FLRT3: variants seen among roughly 807,000 people sequenced by gnomAD.
FLRT3 encodes the protein fibronectin leucine rich transmembrane protein 3, also known as leucine-rich repeat transmembrane protein FLRT3.
A neutral mutation model predicts 42.6 loss-of-function variants in FLRT3; 17 were observed. That is an observed-to-expected ratio of 0.40 (90% CI 0.27 to 0.60). FLRT3 has a LOEUF of 0.60. Among genes scored for constraint, FLRT3 ranks in the 20% least tolerant of loss-of-function variants. The probability of loss-of-function intolerance (pLI) is 0.44; values close to 1 mark genes in which losing one functional copy is unlikely to be tolerated. For synonymous variants in FLRT3, 279 were observed against 286.4 expected, an observed-to-expected ratio of 0.97 and a Z score of 0.26; for missense variants, 635 against 789.2, an observed-to-expected ratio of 0.80 and a Z score of 2.34.
In FLRT3 at chr20:14,337,518, A is replaced by G. The variant is rs923907283; in HGVS notation, c.-361T>C. 6 of 398,562 alleles carry G rather than the reference A, an allele frequency of 1.5e-5. No homozygotes were observed. Among genetic ancestry groups the G allele is most frequent in the African/African-American group, 1.0e-4 (5 of 48,614 alleles). 24.7% of individuals were successfully genotyped at this position (398,562 alleles called of 1,614,324 possible). ...CTCCCAAGCTCTGCGTCCAGTCCACACAAAGCCCACGGCAGCTGCAGGCTG... is the reference window on the plus strand; with the variant it reads ...CTCCCAAGCTCTGCGTCCAGTCCACGCAAAGCCCACGGCAGCTGCAGGCTG... On this transcript the variant is annotated 5_prime_UTR_variant, in exon 1 of 3. Coordinates refer to ENST00000341420, the MANE Select transcript of FLRT3 (RefSeq NM_198391.3).
At chr20:14,327,629 A>T in intron 2 of FLRT3, 71 bp from the exon 3 acceptor site, 2 of 1,128,654 alleles carry the variant, frequency 1.8e-6, no homozygotes, top group Non-Finnish European at 2.4e-6. Context: ...TTTAAAAACA[A>T]ATGTGGAAAC....
intron 1 of FLRT3, among the ~76,000 whole-genome samples, chr20:14,334,622 G>A (rs557080762): frequency 2.8e-5 from 4 of 141,538 alleles, no homozygotes; most frequent in Admixed American, 7.2e-5. Context: ...AAAGCCTCCC[G>A]TTGAGAAGAA....
rs2082698335 is a variant in FLRT3 at position 14,324,164 on chromosome 20, C to T, written c.*1393G>A. On this transcript the variant is annotated 3_prime_UTR_variant, in exon 3 of 3. Transcript: ENST00000341420. ...TAAAAGTTTTATTCAGCAATAAGACCATAATTTTTCATATTTAAGGAGTAT... is the reference window on the plus strand; with the variant it reads ...TAAAAGTTTTATTCAGCAATAAGACTATAATTTTTCATATTTAAGGAGTAT... 6.6e-6 allele frequency: 1 copy of T among 152,376 alleles called. No individual in the cohort carries two copies. The highest frequency in any genetic ancestry group is 1.5e-5 in the Non-Finnish European group (1 of 68,006). The allele number at this position is 152,376 out of a possible 1,614,324, so 9.4% of individuals were successfully genotyped here.
rs923873979 is a variant in FLRT3, at chr20:14,323,279, A to G, written c.*2278T>C. Reference sequence around the variant, plus strand: ...CCTTTTTGTGTTCTATTAATTTGCTACAACAGCTCACAAAATGCAAGGAAA... The same window carrying G: ...CCTTTTTGTGTTCTATTAATTTGCTGCAACAGCTCACAAAATGCAAGGAAA... On this transcript the variant is annotated 3_prime_UTR_variant, in exon 3 of 3. Transcript: ENST00000341420. The G allele has an allele frequency of 6.6e-6, 1 of 152,126 alleles. No homozygotes were observed. The highest frequency in any genetic ancestry group is 2.4e-5 in the African/African-American group (1 of 41,436). The allele number at this position is 152,126 out of a possible 1,614,324, so 9.4% of individuals were successfully genotyped here.
intron 1 of FLRT3, among the ~76,000 whole-genome samples, chr20:14,336,879 G>T (rs2082947116): frequency 6.6e-6 from 1 of 152,210 alleles, no homozygotes. Flanking sequence ...TAAAATCTAG[G>T]TGTAGCTGTT....
intron 1 of FLRT3, among the ~76,000 whole-genome samples, chr20:14,331,337 CG>C (rs1270779672): frequency 6.6e-6 from 1 of 151,982 alleles, no homozygotes; most frequent in Non-Finnish European, 1.5e-5. Context: ...TGTGAAAAGA[CG>C]GAAGATTAAT....
rs1033623673 is a variant in FLRT3, at chr20:14,325,302, T to C, written c.*255A>G. On this transcript the variant is annotated 3_prime_UTR_variant, in exon 3 of 3. Coordinates refer to ENST00000341420, the MANE Select transcript of FLRT3 (RefSeq NM_198391.3). ...ATAACTCCAATATTTGCAAGGAAAA[T>C]ACAGTACAAATTACTAAAAAATACT... 2.4e-5 allele frequency: 8 copies of C among 327,784 alleles called. No individual in the cohort carries two copies. In the Admixed American group the frequency reaches 3.6e-4, roughly 15 times the overall value. The allele number at this position is 327,784 out of a possible 1,614,324, so 20.3% of individuals were successfully genotyped here.
intron 1 of FLRT3, among the ~76,000 whole-genome samples, chr20:14,332,630 C>A (rs750411037): frequency 6.6e-6 from 1 of 152,190 alleles, no homozygotes; most frequent in East Asian, 1.9e-4. Flanking sequence ...AATGATTTCT[C>A]TCACAGAATG....
Position 14,325,427 on chromosome 20 carries a change from G to A in FLRT3, c.*130C>T. ...AAAAGTTCTTAAATATAAATTATATGGCAAATGTACAGTACATTGCTTTTT... is the reference window on the plus strand; with the variant it reads ...AAAAGTTCTTAAATATAAATTATATAGCAAATGTACAGTACATTGCTTTTT... On this transcript the variant is annotated 3_prime_UTR_variant, in exon 3 of 3. Coordinates refer to ENST00000341420, the MANE Select transcript of FLRT3 (RefSeq NM_198391.3). 1 of 884,268 alleles carries A rather than the reference G, an allele frequency of 1.1e-6. No individual in the cohort carries two copies. The highest frequency in any genetic ancestry group is 2.9e-5 in the Admixed American group (1 of 34,872). 54.8% of individuals were successfully genotyped at this position (884,268 alleles called of 1,614,324 possible).
intron 1 of FLRT3, among the ~76,000 whole-genome samples, chr20:14,331,460 A>C (rs1419918058): frequency 6.6e-6 from 1 of 152,120 alleles, no homozygotes; most frequent in Non-Finnish European, 1.5e-5. Flanking sequence ...GATTAACAGA[A>C]AGCCTTAAAT....
At chr20:14,335,305 A>G (rs1300806720) in intron 1 of FLRT3, among the ~76,000 whole-genome samples, 2 of 152,172 alleles carry the variant, frequency 1.3e-5, no homozygotes, top group African/African-American at 4.8e-5. Flanking sequence ...TTGATTGGGC[A>G]ATATAGTCTA....
At chr20:14,336,357 A>G (rs993571201) in intron 1 of FLRT3, among the ~76,000 whole-genome samples, 1 of 152,172 alleles carries the variant, frequency 6.6e-6, no homozygotes, top group African/African-American at 2.4e-5. Flanking sequence ...TAAATTCTAA[A>G]TAAAATAATA....
intron 1 of FLRT3, among the ~76,000 whole-genome samples, chr20:14,333,989 C>A (rs1568563930): frequency 6.6e-6 from 1 of 152,146 alleles, no homozygotes; most frequent in South Asian, 2.1e-4. Context: ...ATTGTCTCAT[C>A]GAGTGAGAGC....
chr20:14,334,708 T>C (rs1246619012), intron 1 of FLRT3, among the ~76,000 whole-genome samples: 3 of 152,064 alleles, frequency 2.0e-5, no homozygotes, highest in Non-Finnish European at 2.9e-5. Context: ...GGAGAAATTA[T>C]GGCCTTTGAA....
Position 14,325,329 on chromosome 20 carries a change from A to C in FLRT3, c.*228T>G. ...CAGTACAAATTACTAAAAAATACTAAAATATAGAATTGTGTTCAGGCATCT... is the reference window on the plus strand; with the variant it reads ...CAGTACAAATTACTAAAAAATACTACAATATAGAATTGTGTTCAGGCATCT... On this transcript the variant is annotated 3_prime_UTR_variant, in exon 3 of 3. Coordinates refer to ENST00000341420, the MANE Select transcript of FLRT3 (RefSeq NM_198391.3). The C allele has an allele frequency of 2.5e-6, 1 of 395,802 alleles. No individual in the cohort carries two copies. Among genetic ancestry groups the C allele is most frequent in the Non-Finnish European group, 4.4e-6 (1 of 225,748 alleles). The allele number at this position is 395,802 out of a possible 1,614,324, so 24.5% of individuals were successfully genotyped here.
chr20:14,332,904 T>G (rs2082870674), intron 1 of FLRT3, among the ~76,000 whole-genome samples: 1 of 152,112 alleles, frequency 6.6e-6, no homozygotes, highest in African/African-American at 2.4e-5. Context: ...GCTAAGCCTT[T>G]GCAACAACAA....
Position 14,324,577 on chromosome 20 carries a change from G to A in FLRT3, c.*980C>T, listed in dbSNP as rs924904919. 1 of 152,048 alleles carries A rather than the reference G, an allele frequency of 6.6e-6. No homozygotes were observed. The highest frequency in any genetic ancestry group is 1.5e-5 in the Non-Finnish European group (1 of 67,974). The allele number at this position is 152,048 out of a possible 1,614,324, so 9.4% of individuals were successfully genotyped here. On this transcript the variant is annotated 3_prime_UTR_variant, in exon 3 of 3. Transcript: ENST00000341420. ...AGAACTACTTTCTCTGGATTGTTGA[G>A]GGGAATCGCTTATAATTACATTACA...
chr20:14,326,702 A>G lies in FLRT3; in HGVS notation c.805T>C (p.Tyr269His). ...TCCAGTCGATAGAGCTGCCTTAGAT[A>G]AGAAAAAGCATTTGGGGGCACCCGA... ...INRVPPNAFS[Y>H]LRQLYRLDMS... is the part of the protein sequence containing the mutation. The change falls in exon 3 of 3, where the codon TAT (tyrosine) becomes CAT (histidine). Residue 269 changes from tyrosine to histidine, a missense_variant. Transcript: ENST00000341420. The surrounding 1 kb of genome is among the most constrained non-coding windows in gnomAD (Gnocchi z 5.5). 1 of 1,613,768 alleles carries G rather than the reference A, an allele frequency of 6.2e-7. No homozygotes were observed. Among genetic ancestry groups the G allele is most frequent in the Non-Finnish European group, 8.5e-7 (1 of 1,179,824 alleles).
chr20:14,327,261 C>T lies in FLRT3; in HGVS notation c.246G>A (p.Leu82=). 1 of 1,613,770 alleles carries T rather than the reference C, an allele frequency of 6.2e-7. No individual in the cohort carries two copies. The highest frequency in any genetic ancestry group is 8.5e-7 in the Non-Finnish European group (1 of 1,179,762). Residue 82 remains leucine (L), a synonymous_variant, in exon 3 of 3, where the codon TTG becomes TTA. Transcript: ENST00000341420. The part of the protein sequence containing the change: ...NAGIPSDLKN[L]LKVERIYLYH... ...ATAGGTATATTCTTTCTACTTTCAG[C>T]AAGTTTTTCAAATCTGAAGGAATCC... is the stretch of plus-strand genomic sequence containing the variant.
Sources: allele counts gnomAD v4.1 joint callset (sites outside exome capture counted in the v4.1 genomes callset), GRCh38; gene constraint gnomAD v4.1.1; non-coding constraint Gnocchi (gnomAD v3.1); transcripts MANE v1.5; gene names NCBI Gene and HGNC (gene_info 2026-07-23, HGNC 2026-07-21).